Variants in COL10A1 observed in about 807,000 individuals in gnomAD.
The protein encoded by COL10A1 is collagen alpha-1(X) chain.
Under a neutral mutation model 18.2 loss-of-function variants are expected in COL10A1, and 10 were observed. The ratio of observed to expected loss-of-function variants is 0.55; its 90% CI spans 0.34 to 0.93. The LOEUF is 0.93. Among genes scored for constraint, COL10A1 ranks in the 40% least tolerant of loss-of-function variants. The pLI is 0.02. For synonymous variants in COL10A1, 330 were observed against 316.6 expected (o/e 1.04, Z -0.45); for missense variants, 897 against 853.5 (o/e 1.05, Z -0.64).
chr6:116,185,684 C>T, the COL10A1 span, among the ~76,000 whole-genome samples: 14 of 152,084 alleles, frequency 9.2e-5, no homozygotes, highest in East Asian at 1.9e-4. Flanking sequence ...AGAATAGCTA[C>T]GCCTGCTTGC....
At chr6:116,141,645 C>G (rs897185648) in intron 1 of COL10A1, among the ~76,000 whole-genome samples, 16 of 151,942 alleles carry the variant, frequency 1.1e-4, no homozygotes, top group African/African-American at 3.9e-4. Flanking sequence ...TCTAGGTTTA[C>G]TTGCAAAGGT....
upstream of COL10A1, among the ~76,000 whole-genome samples, chr6:116,160,747 T>C (rs955148575): frequency 1.3e-5 from 2 of 152,228 alleles, no homozygotes; most frequent in Non-Finnish European, 2.9e-5. Context: ...ATAATATTTA[T>C]AGTTTGAGGT....
At chr6:116,205,514 AC>A in the COL10A1 span, among the ~76,000 whole-genome samples, 1 of 151,872 alleles carries the variant, frequency 6.6e-6, no homozygotes, top group Non-Finnish European at 1.5e-5. Flanking sequence ...CTGGAGCCCC[AC>A]AGTCTCTACA....
At chr6:116,203,917 A>G in the COL10A1 span, among the ~76,000 whole-genome samples, 1 of 151,924 alleles carries the variant, frequency 6.6e-6, no homozygotes, top group African/African-American at 2.4e-5. Context: ...AATTATTATC[A>G]TAATTTACCT....
At chr6:116,206,498 G>A in the COL10A1 span, among the ~76,000 whole-genome samples, 1 of 151,944 alleles carries the variant, frequency 6.6e-6, no homozygotes, top group African/African-American at 2.4e-5. Flanking sequence ...GAACACTGGA[G>A]ACCATATCCT....
the COL10A1 span, among the ~76,000 whole-genome samples, chr6:116,210,229 CA>C: frequency 5.9e-5 from 9 of 151,986 alleles, no homozygotes; most frequent in East Asian, 1.7e-3. Flanking sequence ...TTCCACATTG[CA>C]AGATTTTAAA....
Position 116,120,623 on chromosome 6 carries a change from C to T in COL10A1, c.1493G>A (p.Arg498Lys), listed in dbSNP as rs1582812581. The T allele has an allele frequency of 2.6e-6, 4 of 1,558,972 alleles. No individual in the cohort carries two copies. The highest frequency in any genetic ancestry group is 2.6e-6 in the Non-Finnish European group (3 of 1,159,560). Reference sequence around the variant, plus strand: ...AAGACCAGGCTCTCCAGAGTGGCCTCTTGGACCTGGAGGCCCTGGTGGCCC... The same window carrying T: ...AAGACCAGGCTCTCCAGAGTGGCCTTTTGGACCTGGAGGCCCTGGTGGCCC... The part of the protein sequence containing the change: ...PTGPPGPPGP[R>K]GHSGEPGLPG... The change falls in exon 3 of 3, where the codon AGA (arginine) becomes AAA (lysine). Residue 498 changes from arginine to lysine, a missense_variant. Coordinates refer to ENST00000651968, the MANE Select transcript of COL10A1 (RefSeq NM_000493.4).
the COL10A1 span, among the ~76,000 whole-genome samples, chr6:116,177,940 A>T: frequency 6.6e-6 from 1 of 152,048 alleles, no homozygotes; most frequent in Non-Finnish European, 1.5e-5. Flanking sequence ...GAGATTGGAG[A>T]TTAGTTTCAT....
At chr6:116,151,702 C>T (rs1419820290) in intron 1 of COL10A1, among the ~76,000 whole-genome samples, 1 of 151,982 alleles carries the variant, frequency 6.6e-6, no homozygotes, top group African/African-American at 2.4e-5. Context: ...TTTCTCTTTC[C>T]CACTTATAAT....
In COL10A1 at chr6:116,142,985, A is replaced by G. The variant is rs1399849825; in HGVS notation, c.-16+15629T>C. Among the ~76,000 whole-genome samples, 12 of 152,292 alleles carry G rather than the reference A, an allele frequency of 7.9e-5. No homozygotes were observed. In the South Asian group the frequency reaches 2.3e-3, roughly 29 times the overall value. ...CATGGTGGGAAAATTTGATGGATAA[A>G]ATTATAGACATTATGGTTTGTGTCT... On this transcript the variant is annotated intron_variant, in intron 1 of 1. Transcript: ENST00000418500.
the COL10A1 span, among the ~76,000 whole-genome samples, chr6:116,182,388 C>G: frequency 6.6e-6 from 1 of 152,012 alleles, no homozygotes; most frequent in South Asian, 2.1e-4. Flanking sequence ...TTCTTTTCCT[C>G]TGGGTAGATA....
At chr6:116,124,267 A>G (rs142818012) in intron 2 of COL10A1, among the ~76,000 whole-genome samples, 13 of 152,212 alleles carry the variant, frequency 8.5e-5, no homozygotes, top group African/African-American at 2.9e-4. Context: ...CCTTAGCTTT[A>G]TTTACAGTAT....
chr6:116,212,732 T>G, the COL10A1 span, among the ~76,000 whole-genome samples: 1 of 152,116 alleles, frequency 6.6e-6, no homozygotes, highest in Non-Finnish European at 1.5e-5. Context: ...ATATTCATTT[T>G]TTACTGCTAT....
the COL10A1 span, among the ~76,000 whole-genome samples, chr6:116,211,617 C>T: frequency 6.6e-6 from 1 of 151,840 alleles, no homozygotes; most frequent in Non-Finnish European, 1.5e-5. Flanking sequence ...ATGTATTGGA[C>T]TTAGAATAAT....
the COL10A1 span, among the ~76,000 whole-genome samples, chr6:116,192,165 A>G: frequency 6.6e-6 from 1 of 152,058 alleles, no homozygotes. Context: ...GTGTGAGTTC[A>G]GAGTTAACTG....
intron 1 of COL10A1, among the ~76,000 whole-genome samples, chr6:116,131,792 A>T (rs557332714): frequency 5.1e-4 from 78 of 152,178 alleles, no homozygotes; most frequent in Non-Finnish European, 9.3e-4. Context: ...CCTAGTATCC[A>T]TTAGTTATTT....
intron 2 of COL10A1, among the ~76,000 whole-genome samples, chr6:116,124,885 T>C (rs1562127055): frequency 1.3e-5 from 2 of 152,222 alleles, no homozygotes; most frequent in Non-Finnish European, 2.9e-5. Flanking sequence ...TTGATAAGAC[T>C]CGGTTTTATA....
upstream of COL10A1, among the ~76,000 whole-genome samples, chr6:116,162,858 C>G (rs1426381242): frequency 2.6e-5 from 4 of 152,042 alleles, no homozygotes; most frequent in South Asian, 4.1e-4. Flanking sequence ...GGCACAGTGG[C>G]TCAGAGCGCC....
chr6:116,214,866 G>C, the COL10A1 span, among the ~76,000 whole-genome samples: 1 of 151,874 alleles, frequency 6.6e-6, no homozygotes, highest in South Asian at 2.1e-4. Flanking sequence ...TGGAGGCATA[G>C]ACTCAAGCAA....
Sources: allele counts gnomAD v4.1 joint callset (sites outside exome capture counted in the v4.1 genomes callset), GRCh38; gene constraint gnomAD v4.1.1; transcripts MANE v1.5; gene names NCBI Gene and HGNC (gene_info 2026-07-23, HGNC 2026-07-21).